Variants in LRR1 observed in about 807,000 individuals in gnomAD.
LRR1 encodes the protein leucine rich repeat protein 1.
A neutral mutation model predicts 31.6 loss-of-function variants in LRR1; 29 were observed. The observed-to-expected ratio is 0.92, with a 90% CI of 0.68 to 1.25. The LOEUF (loss-of-function observed/expected upper bound fraction) is 1.25, where lower values mean the gene tolerates loss of function less well. Ranked by LOEUF, LRR1 falls within the 50% of genes most tolerant of loss-of-function variation. The pLI is 0.00. For missense variants in LRR1, 485 were observed against 487.2 expected (o/e 1.00, Z 0.04); for synonymous variants, 179 against 181.4 (o/e 0.99, Z 0.10).
intron 3 of LRR1, among the ~76,000 whole-genome samples, chr14:49,613,176 A>G (rs979572185): frequency 1.3e-5 from 2 of 152,102 alleles, no homozygotes; most frequent in African/African-American, 2.4e-5. Flanking sequence ...TGCCTCTACT[A>G]AAAATACAAA....
chr14:49,608,801 A>T (rs1205926457), intron 3 of LRR1, among the ~76,000 whole-genome samples: 3 of 148,482 alleles, frequency 2.0e-5, no homozygotes, highest in East Asian at 4.0e-4. Flanking sequence ...ATTTTGATGT[A>T]CTCTAAAATT....
chr14:49,614,463 CTGTTA>C lies in LRR1; in HGVS notation c.1218_1222del (p.Tyr406Ter), dbSNP rs1882626745. On this transcript the variant is annotated frameshift_variant, in exon 4 of 4. Transcript: ENST00000298288. LOFTEE classifies it high-confidence loss of function. Reference sequence around the variant, plus strand: ...TTATCTCTTATTTCTGTTCTCTAGGCTGTTATGTTAATTCCTCTGATATGTTAAAG... The same window carrying C: ...TTATCTCTTATTTCTGTTCTCTAGGCTGTTAATTCCTCTGATATGTTAAAG... The C allele has an allele frequency of 6.2e-7, 1 of 1,613,840 alleles. No homozygotes were observed. The highest frequency in any genetic ancestry group is 8.5e-7 in the Non-Finnish European group (1 of 1,179,850).
intron 2 of LRR1, among the ~76,000 whole-genome samples, chr14:49,604,629 C>T (rs1882215131): frequency 6.6e-6 from 1 of 151,548 alleles, no homozygotes; most frequent in African/African-American, 2.4e-5. Flanking sequence ...AAGGTCAAGG[C>T]TGCAGTGAAC....
In LRR1 at chr14:49,602,671, C is replaced by G. The variant is rs79653259; in HGVS notation, c.282+203C>G. On this transcript the variant is annotated intron_variant, in intron 2 of 3. Transcript: ENST00000298288. ...ACTCCCGGATAAATTTTTAAAATAA[C>G]TTTTTGTAGAGACGGAGTCTTGATA... is the stretch of plus-strand genomic sequence containing the variant. 9.4e-3 allele frequency among the ~76,000 whole-genome samples: 1,437 copies of G among 152,106 alleles called. 14 individuals are homozygous for G. The highest frequency in any genetic ancestry group is 0.03 in the South Asian group (144 of 4,810).
rs1881927373 is a variant in LRR1 at position 49,599,063 on chromosome 14, C to T, written c.43C>T (p.Pro15Ser). 1.9e-6 allele frequency: 3 copies of T among 1,609,368 alleles called. No individual in the cohort carries two copies. The highest frequency in any genetic ancestry group is 2.5e-6 in the Non-Finnish European group (3 of 1,177,970). Residue 15 changes from proline (P) to serine (S), a missense_variant, in exon 1 of 4, where the codon CCC (proline) becomes TCC (serine). Transcript: ENST00000298288. ...GGTGGAGGTGATCAGCCGGCACTTG[C>T]CCGCCTTGGGGCTTAGGAACCGGGG... ...CEVEVISRHL[P>S]ALGLRNRGKG... is the part of the protein sequence containing the mutation.
Position 49,598,971 on chromosome 14 carries a change from A to C in LRR1, c.-50A>C. On this transcript the variant is annotated 5_prime_UTR_variant, in exon 1 of 4. Transcript: ENST00000298288. ...CCCGATGGCGGCGCCGGGTGGCGGGAAGGAGGAAGTTTCAAAGCCAGCTTG... is the reference window on the plus strand; with the variant it reads ...CCCGATGGCGGCGCCGGGTGGCGGGCAGGAGGAAGTTTCAAAGCCAGCTTG... 1 of 1,550,154 alleles carries C rather than the reference A, an allele frequency of 6.5e-7. No homozygotes were observed. Among genetic ancestry groups the C allele is most frequent in the Non-Finnish European group, 8.7e-7 (1 of 1,144,490 alleles).
chr14:49,605,593 T>C (rs1418046127), intron 2 of LRR1, among the ~76,000 whole-genome samples: 1 of 152,242 alleles, frequency 6.6e-6, no homozygotes, highest in Non-Finnish European at 1.5e-5. Flanking sequence ...TTAATAAAAC[T>C]CTTTCTTTTC....
rs913456721 is a variant in LRR1 at position 49,603,980 on chromosome 14, C to T, written c.282+1512C>T. ...TGCTGGGATTATAGGCATGAGCCAC[C>T]GTGCCCGGACTGTAATCATTCTTAT... On this transcript the variant is annotated intron_variant, in intron 2 of 3. Transcript: ENST00000298288. Among the ~76,000 whole-genome samples the T allele has an allele frequency of 5.3e-5, 8 of 151,304 alleles. No homozygotes were observed. In the South Asian group the frequency reaches 1.1e-3, roughly 20 times the overall value.
chr14:49,600,302 G>C (rs1185321939), intron 1 of LRR1: 2 of 1,498,248 alleles, frequency 1.3e-6, no homozygotes, highest in Non-Finnish European at 1.9e-6. Context: ...GGGAGGAGTG[G>C]GTACCGGAAC....
At chr14:49,609,145 C>G (rs530210542) in intron 3 of LRR1, among the ~76,000 whole-genome samples, 1 of 149,798 alleles carries the variant, frequency 6.7e-6, no homozygotes, top group Non-Finnish European at 1.5e-5. Context: ...TCTCGATCTC[C>G]TGACCTCGTG....
rs753938516 is a variant in LRR1 at position 49,601,625 on chromosome 14, A to G, written c.184-745A>G. ...ACCTACTGGGAGGTGTGCCCACCCC[A>G]GGCTAATGGACTGAAGTTATGAAGG... On this transcript the variant is annotated intron_variant, in intron 1 of 3. Transcript: ENST00000298288. 7 of 1,289,690 alleles carry G rather than the reference A, an allele frequency of 5.4e-6. No individual in the cohort carries two copies. In the South Asian group the frequency reaches 7.4e-5, roughly 14 times the overall value. 79.9% of individuals were successfully genotyped at this position (1,289,690 alleles called of 1,614,324 possible).
At chr14:49,601,778 C>A in intron 1 of LRR1, 1 of 701,544 alleles carries the variant, frequency 1.4e-6, no homozygotes, top group Non-Finnish European at 2.1e-6. Context: ...CAGTAACATC[C>A]ACCACCAGCT....
Position 49,611,003 on chromosome 14 carries a change from A to C in LRR1, c.1004+2882A>C, listed in dbSNP as rs187541326. Among the ~76,000 whole-genome samples, 7 of 152,324 alleles carry C rather than the reference A, an allele frequency of 4.6e-5. No homozygotes were observed. The East Asian group carries it at 9.6e-4, about 21-fold the overall frequency. On this transcript the variant is annotated intron_variant, in intron 3 of 3. Transcript: ENST00000298288. ...GGGAGAGGGGCTCTTAAAACTGACC[A>C]AAGTTAAGGAACTGGAAAACTGTAC...
chr14:49,602,281 G>A (rs2139534777), intron 1 of LRR1, 89 bp from the exon 2 acceptor site: 2 of 1,171,560 alleles, frequency 1.7e-6, no homozygotes, highest in East Asian at 2.4e-5. Context: ...CCAAAGCCTG[G>A]CAAAGTAACT....
At chr14:49,612,470 A>G in intron 3 of LRR1, 6 of 1,249,116 alleles carry the variant, frequency 4.8e-6, no homozygotes, top group Non-Finnish European at 6.2e-6. Context: ...TCCTCAATCT[A>G]GAACCATCTA....
chr14:49,601,038 A>G, intron 1 of LRR1: 4 of 1,611,118 alleles, frequency 2.5e-6, no homozygotes, highest in Non-Finnish European at 3.4e-6. Context: ...GTTGCTTTCT[A>G]TTCCAGCATA....
intron 2 of LRR1, among the ~76,000 whole-genome samples, chr14:49,605,903 T>G (rs1451139433): frequency 1.3e-5 from 2 of 152,238 alleles, no homozygotes; most frequent in Non-Finnish European, 2.9e-5. Context: ...GTCATGTAAC[T>G]TTCATACTTA....
intron 2 of LRR1, among the ~76,000 whole-genome samples, chr14:49,604,435 C>T (rs1205679836): frequency 3.3e-5 from 5 of 152,182 alleles, no homozygotes; most frequent in African/African-American, 1.2e-4. Context: ...CACGGTGGCT[C>T]ACGCCTATGA....
chr14:49,605,344 C>T (rs151107799), intron 2 of LRR1, among the ~76,000 whole-genome samples: 1 of 152,266 alleles, frequency 6.6e-6, no homozygotes, highest in African/African-American at 2.4e-5. Context: ...TATTCTTTCA[C>T]TAATTCTTCC....
Sources: gnomAD v4.1 joint callset for allele counts (sites outside exome capture counted in the v4.1 genomes callset) on GRCh38, gnomAD v4.1.1 for gene constraint, MANE v1.5 for transcripts, NCBI Gene and HGNC (gene_info 2026-07-23, HGNC 2026-07-21) for gene names.